The following TANC2 variants were observed in gnomAD, a reference collection of about 807,000 sequenced individuals.
TANC2 encodes protein TANC2.
TANC2 carries 26 observed loss-of-function variants against 210.5 expected under a neutral mutation model. That is an observed-to-expected ratio of 0.12 (90% CI 0.09 to 0.17). TANC2 has a LOEUF of 0.17. Ranked by LOEUF, TANC2 falls within the 10% of genes least tolerant of loss-of-function variation. TANC2 has a pLI of 1.00. For synonymous variants in TANC2, 931 were observed against 967.1 expected (o/e 0.96, Z 0.69); for missense variants, 2,129 against 2,608.9 (o/e 0.82, Z 4.01).
intron 14 of TANC2, among the ~76,000 whole-genome samples, chr17:63,356,847 G>A (rs1369972378): frequency 6.6e-6 from 1 of 152,158 alleles, no homozygotes; most frequent in African/African-American, 2.4e-5. Flanking sequence ...CATATAGTAT[G>A]ATGCCTAGAA....
intron 5 of TANC2, among the ~76,000 whole-genome samples, chr17:63,184,351 T>A (rs1046670511): frequency 1.3e-5 from 2 of 152,196 alleles, no homozygotes; most frequent in African/African-American, 4.8e-5. Flanking sequence ...AAACAAGTAT[T>A]GTTGAGAATA....
intron 9 of TANC2, among the ~76,000 whole-genome samples, chr17:63,298,041 C>CA (rs949914631): frequency 9.2e-5 from 14 of 151,528 alleles, no homozygotes; most frequent in Middle Eastern, 3.4e-3. Flanking sequence ...GTAATAAAAA[C>CA]AAAAAAAACT....
At chr17:63,238,214 T>A (rs2042676175) in intron 8 of TANC2, 137 bp downstream of exon 8, 2 of 1,123,230 alleles carry the variant, frequency 1.8e-6, no homozygotes, top group South Asian at 3.7e-5. Context: ...GCTGTTCTTT[T>A]GTGTTTGGGT....
At chr17:63,422,212 C>T (rs758358946) in exon 28 of TANC2, 74 of 425,656 alleles carry the variant, frequency 1.7e-4, no homozygotes, top group Non-Finnish European at 2.9e-4. Context: ...AGGAGATTTT[C>T]GTGCTGTGTG....
chr17:63,275,568 G>A (rs1039677818), intron 9 of TANC2, among the ~76,000 whole-genome samples: 1 of 152,146 alleles, frequency 6.6e-6, no homozygotes, highest in Non-Finnish European at 1.5e-5. Context: ...ACACATCCCT[G>A]AGGTTGCTTA....
chr17:63,186,117 G>A (rs891911528), intron 5 of TANC2, among the ~76,000 whole-genome samples: 2 of 152,042 alleles, frequency 1.3e-5, no homozygotes, highest in African/African-American at 4.8e-5. Context: ...TTTTCCATAT[G>A]GATATCATAT....
intron 4 of TANC2, among the ~76,000 whole-genome samples, chr17:63,104,567 G>A (rs935420772): frequency 6.6e-6 from 1 of 152,124 alleles, no homozygotes; most frequent in African/African-American, 2.4e-5. Flanking sequence ...TTGAAAATGT[G>A]TATGTATGTG....
rs146749877 is a variant in TANC2 at position 63,272,595 on chromosome 17, A to T, written c.1159+4722A>T. ...GATTCTTCCTATTCATGAGCATGAA[A>T]TTTTTTTTATTTGTTTGTGTCATCT... On this transcript the variant is annotated intron_variant, in intron 9 of 27. Transcript: ENST00000689528. Among the ~76,000 whole-genome samples, 1,258 of 152,046 alleles carry T rather than the reference A, an allele frequency of 8.3e-3. 16 individuals carry two copies. Among genetic ancestry groups the T allele is most frequent in the African/African-American group, 0.028 (1,162 of 41,466 alleles).
At chr17:63,193,176 A>G (rs1158265140) in intron 5 of TANC2, among the ~76,000 whole-genome samples, 1 of 152,134 alleles carries the variant, frequency 6.6e-6, no homozygotes, top group Non-Finnish European at 1.5e-5. Context: ...CATAAAAATA[A>G]CCCTACTGAT....
intron 1 of TANC2, among the ~76,000 whole-genome samples, chr17:62,979,233 A>G (rs1262319346): frequency 6.6e-6 from 1 of 152,146 alleles, no homozygotes; most frequent in African/African-American, 2.4e-5. Flanking sequence ...TCCCTTTTAT[A>G]TCATGAGAAA....
In TANC2 at chr17:63,420,997, G is replaced by A. The variant is rs767652053; in HGVS notation, c.5267G>A (p.Arg1756Lys). ...ATTGGGGGAATCGTAGGGGATGGAA[G>A]GCCGGTGCAGCATGTCCAAGCCAGC... The change falls in exon 28 of 28, where the codon AGG becomes AAG. Residue 1756 changes from arginine to lysine, a missense_variant. Physicochemically the swap from Arg to Lys is conservative, Grantham distance 26. This residue lies in a region of TANC2 where 584 missense variants were observed against 627.3 expected (regional missense o/e 0.93). Coordinates refer to ENST00000689528, the Ensembl canonical transcript of TANC2. The surrounding 1 kb of genome is among the most constrained non-coding windows in gnomAD (Gnocchi z 4.2). The A allele has an allele frequency of 6.2e-7, 1 of 1,614,014 alleles. No homozygotes were observed. Among genetic ancestry groups the A allele is most frequent in the Non-Finnish European group, 8.5e-7 (1 of 1,179,898 alleles).
chr17:63,412,563 A>G lies in TANC2; in HGVS notation c.3899-117A>G, dbSNP rs141549151. On this transcript the variant is annotated intron_variant, in intron 23 of 27. Coordinates refer to ENST00000689528, the Ensembl canonical transcript of TANC2. This position sits in a 1 kb window ranked among gnomAD's most constrained non-coding sequence, Gnocchi z 4.2. ...GACCTATAGACGAGGGTTGGCTGAT[A>G]TGCTGGCTTTGTGCTGCCTGCCTCT... 4.8e-4 allele frequency: 467 copies of G among 974,248 alleles called. 2 individuals are homozygous for G. The highest frequency in any genetic ancestry group is 2.5e-3 in the Middle Eastern group (12 of 4,758). The allele number at this position is 974,248 out of a possible 1,614,324, so 60.4% of individuals were successfully genotyped here. A position where few individuals can be genotyped will look rare whatever the true frequency, so the allele number is the denominator to read the frequency against.
chr17:62,976,298 C>G (rs958939159), intron 1 of TANC2, among the ~76,000 whole-genome samples: 3 of 152,144 alleles, frequency 2.0e-5, no homozygotes, highest in Non-Finnish European at 2.9e-5. Context: ...GTTTTAACTT[C>G]TACAAATATC....
intron 11 of TANC2, among the ~76,000 whole-genome samples, chr17:63,322,213 C>CAG (rs2045516185): frequency 6.6e-6 from 1 of 152,002 alleles, no homozygotes; most frequent in Non-Finnish European, 1.5e-5. Flanking sequence ...CGGTCTCTAT[C>CAG]CTCTTCTTTA....
intron 27 of TANC2, among the ~76,000 whole-genome samples, chr17:63,419,457 A>G (rs926749548): frequency 6.6e-6 from 1 of 152,200 alleles, no homozygotes; most frequent in African/African-American, 2.4e-5. Flanking sequence ...TGCCTGCCCC[A>G]CTTTGATAGA....
intron 18 of TANC2, 76 bp downstream of exon 18, chr17:63,396,004 C>T (rs563408758): frequency 5.8e-5 from 81 of 1,394,468 alleles, no homozygotes; most frequent in Middle Eastern, 1.8e-4. Flanking sequence ...AAAGATTGCA[C>T]GAAGACAAAA....
chr17:63,037,305 C>A (rs1047425171), intron 2 of TANC2, among the ~76,000 whole-genome samples: 1 of 151,968 alleles, frequency 6.6e-6, no homozygotes, highest in African/African-American at 2.4e-5. Context: ...ACATCCTGAG[C>A]AGGATGGCTT....
At chr17:63,209,702 G>A (rs974036903) in intron 7 of TANC2, among the ~76,000 whole-genome samples, 2 of 152,146 alleles carry the variant, frequency 1.3e-5, no homozygotes, top group Non-Finnish European at 2.9e-5. Flanking sequence ...CAAAGTGCTG[G>A]GATTACAGGC....
In TANC2 at chr17:63,418,176, C is replaced by G; in HGVS notation, c.4168-131C>G. The G allele has an allele frequency of 1.1e-6, 1 of 918,056 alleles. No homozygotes were observed. The highest frequency in any genetic ancestry group is 1.7e-5 in the South Asian group (1 of 60,264). 56.9% of individuals were successfully genotyped at this position (918,056 alleles called of 1,614,324 possible). A position where few individuals can be genotyped will look rare whatever the true frequency, so the allele number is the denominator to read the frequency against. ...ACAGGCCACGCGGCTTGAGCCATGTCAGGCACGTCTAGCGTCCCAGGCGTT... is the reference window on the plus strand; with the variant it reads ...ACAGGCCACGCGGCTTGAGCCATGTGAGGCACGTCTAGCGTCCCAGGCGTT... On this transcript the variant is annotated intron_variant, in intron 26 of 27. Coordinates refer to ENST00000689528, the Ensembl canonical transcript of TANC2. This position sits in a 1 kb window ranked among gnomAD's most constrained non-coding sequence, Gnocchi z 4.6.
Sources: gnomAD v4.1 joint callset for allele counts (sites outside exome capture counted in the v4.1 genomes callset) on GRCh38, gnomAD v4.1.1 for gene constraint, gnomAD v4.1.1 regional missense constraint, Gnocchi (gnomAD v3.1) non-coding constraint, MANE v1.5 for transcripts, NCBI Gene and HGNC (gene_info 2026-07-23, HGNC 2026-07-21) for gene names.